The following FGF14 variants were observed in gnomAD, a reference collection of about 807,000 sequenced individuals.
FGF14 encodes fibroblast growth factor homologous factor 4.
In FGF14, 5 loss-of-function variants were observed where a neutral mutation model predicts 25.5. The ratio of observed to expected loss-of-function variants is 0.20; its 90% CI spans 0.10 to 0.41. The LOEUF (loss-of-function observed/expected upper bound fraction) is 0.41, where lower values mean the gene tolerates loss of function less well. FGF14 is among the 10% of genes least tolerant of loss of function. The probability of loss-of-function intolerance (pLI) is 1.00; values close to 1 mark genes in which losing one functional copy is unlikely to be tolerated. For missense variants in FGF14, 222 were observed against 320.1 expected, an observed-to-expected ratio of 0.69 and a Z score of 2.34; for synonymous variants, 138 against 118.3, an observed-to-expected ratio of 1.17 and a Z score of -1.08.
intron 1 of FGF14, among the ~76,000 whole-genome samples, chr13:102,021,321 A>C (rs976489885): frequency 6.6e-6 from 1 of 152,100 alleles, no homozygotes; most frequent in African/African-American, 2.4e-5. Context: ...TTTTGAGCTA[A>C]GTAGAGGCTT....
In FGF14 at chr13:101,916,720, G is replaced by T; in HGVS notation, c.-75C>A. On this transcript the variant is annotated 5_prime_UTR_variant, in exon 1 of 5. Transcript: ENST00000376143. ...GCCGGGGGCACCGGAGGGGAAGGCG[G>T]CGGCGCAGACCGTGGCTCGCCCTCG... 6 of 1,332,456 alleles carry T rather than the reference G, an allele frequency of 4.5e-6. No homozygotes were observed. Among genetic ancestry groups the T allele is most frequent in the Non-Finnish European group, 6.0e-6 (6 of 1,001,846 alleles). 82.5% of individuals were successfully genotyped at this position (1,332,456 alleles called of 1,614,324 possible). A position where few individuals can be genotyped will look rare whatever the true frequency, so the allele number is the denominator to read the frequency against.
At chr13:102,131,026 T>C (rs2046173172) in intron 1 of FGF14, among the ~76,000 whole-genome samples, 1 of 152,216 alleles carries the variant, frequency 6.6e-6, no homozygotes, top group Non-Finnish European at 1.5e-5. Flanking sequence ...TCTTGCATTG[T>C]GGACAGTCAA....
At chr13:101,740,453 C>T (rs1236048070) in intron 3 of FGF14, among the ~76,000 whole-genome samples, 2 of 152,060 alleles carry the variant, frequency 1.3e-5, no homozygotes, top group African/African-American at 4.8e-5. Context: ...GTTGTGTGGG[C>T]CAAGGCATTG....
chr13:101,857,293 C>T (rs1247967224), intron 3 of FGF14, among the ~76,000 whole-genome samples: 1 of 151,912 alleles, frequency 6.6e-6, no homozygotes, highest in Non-Finnish European at 1.5e-5. Flanking sequence ...TATTCCTAAG[C>T]CTCACAAAAA....
At chr13:101,803,116 G>C (rs1165118231) in intron 3 of FGF14, among the ~76,000 whole-genome samples, 2 of 149,270 alleles carry the variant, frequency 1.3e-5, no homozygotes, top group African/African-American at 5.0e-5. Flanking sequence ...GTTAAGTGCT[G>C]TCATTTTGAA....
At chr13:102,112,448 C>T (rs2045279795) in intron 1 of FGF14, among the ~76,000 whole-genome samples, 1 of 152,140 alleles carries the variant, frequency 6.6e-6, no homozygotes, top group South Asian at 2.1e-4. Context: ...ACACACCACC[C>T]GCAAGTTTTG....
At chr13:102,199,573 C>T (rs1032220852) in intron 1 of FGF14, among the ~76,000 whole-genome samples, 3 of 152,120 alleles carry the variant, frequency 2.0e-5, no homozygotes, top group African/African-American at 4.8e-5. Context: ...AAAGTCTTTC[C>T]AAAGGGTCCG....
rs1429730222 is a variant in FGF14, at chr13:101,865,527, A to G, written c.408+3198T>C. ...TGCAATCATTAGGACCACAAAAGAA[A>G]TAACTATCATCATATTGAAGAAAAG... On this transcript the variant is annotated intron_variant, in intron 3 of 4. Transcript: ENST00000376143. 2.6e-5 allele frequency among the ~76,000 whole-genome samples: 4 copies of G among 152,152 alleles called. 1 individual carries two copies. The East Asian group carries it at 7.7e-4, about 29-fold the overall frequency.
intron 3 of FGF14, among the ~76,000 whole-genome samples, chr13:101,770,496 G>A (rs902240095): frequency 6.6e-6 from 1 of 152,074 alleles, no homozygotes; most frequent in Non-Finnish European, 1.5e-5. Context: ...AGAATAGCCT[G>A]AAATACTAGT....
At chr13:102,067,203 G>C (rs922206607) in intron 1 of FGF14, among the ~76,000 whole-genome samples, 1 of 152,108 alleles carries the variant, frequency 6.6e-6, no homozygotes, top group Non-Finnish European at 1.5e-5. Flanking sequence ...GGCCATTTGG[G>C]AATTGTCAAT....
At chr13:102,257,260 G>T (rs1473118067) in intron 1 of FGF14, among the ~76,000 whole-genome samples, 3 of 147,972 alleles carry the variant, frequency 2.0e-5, no homozygotes, top group African/African-American at 7.5e-5. Context: ...TTCTGGAAGT[G>T]AATTCTTTCA....
At chr13:102,220,015 TATG>T (rs2050539136) in intron 1 of FGF14, among the ~76,000 whole-genome samples, 1 of 152,134 alleles carries the variant, frequency 6.6e-6, no homozygotes, top group Non-Finnish European at 1.5e-5. Context: ...GTAGTTTTCA[TATG>T]ATAATTATTA....
At chr13:102,331,660 A>G (rs1412606357) in intron 1 of FGF14, among the ~76,000 whole-genome samples, 1 of 152,226 alleles carries the variant, frequency 6.6e-6, no homozygotes, top group African/African-American at 2.4e-5. Context: ...GTGAAATAAA[A>G]TAACTGAAAC....
chr13:101,877,259 C>T (rs529957501), intron 1 of FGF14, among the ~76,000 whole-genome samples: 6 of 152,234 alleles, frequency 3.9e-5, no homozygotes, highest in South Asian at 2.1e-4. Flanking sequence ...CCTTTAACTT[C>T]GAGAAAATAC....
intron 3 of FGF14, among the ~76,000 whole-genome samples, chr13:101,785,709 T>C (rs192755829): frequency 1.3e-5 from 2 of 152,328 alleles, no homozygotes; most frequent in African/African-American, 2.4e-5. Context: ...CTCTATAGTA[T>C]TATATGTGTT....
chr13:102,354,363 T>C (rs927197037), intron 1 of FGF14: 14 of 152,232 alleles, frequency 9.2e-5, no homozygotes, highest in Non-Finnish European at 1.6e-4. Context: ...ACTCTTCCTC[T>C]ACCCCCTCTC....
intron 1 of FGF14, among the ~76,000 whole-genome samples, chr13:102,056,934 A>G (rs905028939): frequency 3.3e-5 from 5 of 151,330 alleles, no homozygotes; most frequent in African/African-American, 4.8e-5. Flanking sequence ...TATATTATAT[A>G]AATAATTTGT....
intron 1 of FGF14, chr13:102,393,893 G>A (rs1212460542): frequency 6.6e-6 from 1 of 152,300 alleles, no homozygotes; most frequent in Admixed American, 6.5e-5. Flanking sequence ...GATGGTCTCT[G>A]AATTTAGAGT....
chr13:101,767,993 TG>T (rs146502527), intron 3 of FGF14, among the ~76,000 whole-genome samples: 14,689 of 152,260 alleles, frequency 0.096, 932 homozygotes, highest in Admixed American at 0.17. Flanking sequence ...TGCCCATATT[TG>T]TATTTCATTG....
Sources: gnomAD v4.1 joint callset for allele counts (sites outside exome capture counted in the v4.1 genomes callset) on GRCh38, gnomAD v4.1.1 for gene constraint, MANE v1.5 for transcripts, NCBI Gene and HGNC (gene_info 2026-07-23, HGNC 2026-07-21) for gene names.